Variants in SLC6A4 observed in about 807,000 individuals in gnomAD.
SLC6A4 encodes sodium-dependent serotonin transporter.
A neutral mutation model predicts 73.4 loss-of-function variants in SLC6A4; 22 were observed. The observed-to-expected ratio is 0.30, with a 90% CI of 0.21 to 0.43. The LOEUF is 0.43. Ranked by LOEUF, SLC6A4 falls within the 20% of genes least tolerant of loss-of-function variation. The pLI, the probability that SLC6A4 is intolerant of heterozygous loss-of-function variation, is 1.00. For synonymous variants in SLC6A4, 270 were observed against 315.5 expected (o/e 0.86, Z 1.53); for missense variants, 593 against 808.5 (o/e 0.73, Z 3.23).
intron 1 of SLC6A4, among the ~76,000 whole-genome samples, chr17:30,230,168 G>C (rs978082370): frequency 2.6e-5 from 4 of 152,124 alleles, no homozygotes; most frequent in African/African-American, 9.7e-5. Flanking sequence ...AGAGGAAGAA[G>C]AAGAAGTTGG....
chr17:30,202,170 T>C (rs1028862903), intron 14 of SLC6A4, among the ~76,000 whole-genome samples: 3 of 152,200 alleles, frequency 2.0e-5, no homozygotes, highest in African/African-American at 7.2e-5. Flanking sequence ...AGGATGACTA[T>C]TGTGATGGAC....
At chr17:30,203,148 A>G (rs749380406) in intron 14 of SLC6A4, 24 bp downstream of exon 14, 13 of 1,578,988 alleles carry the variant, frequency 8.2e-6, no homozygotes, top group Non-Finnish European at 1.1e-5. Flanking sequence ...GAACACACAC[A>G]TATACACACT....
chr17:30,217,935 G>T lies in SLC6A4; in HGVS notation c.698+183C>A, dbSNP rs55655007. ...AGAAAGTGCAAGGAGGCACAGCAGG[G>T]CCAGGCCGTGGAGCACTTGAGGTAG... On this transcript the variant is annotated intron_variant, in intron 5 of 14. Transcript: ENST00000650711. Among the ~76,000 whole-genome samples the T allele has an allele frequency of 1.6e-3, 246 of 152,312 alleles. 1 individual carries two copies. Among genetic ancestry groups the T allele is most frequent in the African/African-American group, 5.7e-3 (238 of 41,580 alleles).
At chr17:30,201,287 C>T (rs1906025876) in intron 14 of SLC6A4, among the ~76,000 whole-genome samples, 1 of 152,192 alleles carries the variant, frequency 6.6e-6, no homozygotes. Flanking sequence ...GGGCCTTTTC[C>T]ATGGTCCTCA....
intron 8 of SLC6A4, among the ~76,000 whole-genome samples, chr17:30,214,773 C>T (rs977329954): frequency 7.9e-5 from 12 of 151,754 alleles, no homozygotes; most frequent in Admixed American, 3.3e-4. Context: ...GCTGGGACTA[C>T]AGGCGCCCGC....
At chr17:30,220,971 C>G (rs1906728075) in intron 3 of SLC6A4, among the ~76,000 whole-genome samples, 1 of 113,634 alleles carries the variant, frequency 8.8e-6, no homozygotes, top group Non-Finnish European at 1.7e-5. Context: ...GGAGATTTGA[C>G]TTTTTTTTTT....
chr17:30,235,427 C>T lies in SLC6A4; in HGVS notation c.-221+186G>A, dbSNP rs1407662796. On this transcript the variant is annotated intron_variant, in intron 1 of 14. Coordinates refer to ENST00000650711, the MANE Select transcript of SLC6A4 (RefSeq NM_001045.6). This position sits in a 1 kb window ranked among gnomAD's most constrained non-coding sequence, Gnocchi z 4.5. Reference sequence around the variant, plus strand: ...GTCTCCCACTCTGGCCGGTCAGCTTCAGCTCTGGCTCTTGCTGAGCGTGGA... The same window carrying T: ...GTCTCCCACTCTGGCCGGTCAGCTTTAGCTCTGGCTCTTGCTGAGCGTGGA... Among the ~76,000 whole-genome samples the T allele has an allele frequency of 6.6e-6, 1 of 152,234 alleles. No individual in the cohort carries two copies. The highest frequency in any genetic ancestry group is 6.5e-5 in the Admixed American group (1 of 15,288).
At chr17:30,227,270 A>G (rs1048116244) in intron 1 of SLC6A4, among the ~76,000 whole-genome samples, 4 of 152,156 alleles carry the variant, frequency 2.6e-5, no homozygotes, top group South Asian at 2.1e-4. Context: ...CACAGGTCGG[A>G]AGCCATAGGG....
intron 13 of SLC6A4, among the ~76,000 whole-genome samples, chr17:30,203,837 G>A (rs1489771591): frequency 2.0e-5 from 3 of 152,270 alleles, no homozygotes; most frequent in African/African-American, 7.2e-5. Context: ...CAGACGGAAG[G>A]TGCCTGATGT....
In SLC6A4 at chr17:30,209,147, G is replaced by T. The variant is rs759353073; in HGVS notation, c.1545C>A (p.Phe515Leu). The change falls in exon 12 of 15, where the codon TTC becomes TTA. Residue 515 changes from phenylalanine to leucine, a missense_variant. Physicochemically the swap from Phe to Leu is conservative, Grantham distance 22. Transcript: ENST00000650711. ...ALIEAVAVSW[F>L]YGITQFCRDV... Reference sequence around the variant, plus strand: ...TGGCTGAAGGAAGCGTCTTACCATAGAACCAAGACACAGCGACTGCTTCGA... The same window carrying T: ...TGGCTGAAGGAAGCGTCTTACCATATAACCAAGACACAGCGACTGCTTCGA... 3.7e-6 allele frequency: 6 copies of T among 1,609,344 alleles called. No individual in the cohort carries two copies. Among genetic ancestry groups the T allele is most frequent in the Non-Finnish European group, 5.1e-6 (6 of 1,175,748 alleles).
chr17:30,202,041 A>G (rs529999875), intron 14 of SLC6A4, among the ~76,000 whole-genome samples: 113 of 152,278 alleles, frequency 7.4e-4, no homozygotes, highest in African/African-American at 2.7e-3. Flanking sequence ...GCAGTGAGCC[A>G]TGATTATACC....
chr17:30,230,613 G>A (rs765650283), intron 1 of SLC6A4, among the ~76,000 whole-genome samples: 2 of 152,156 alleles, frequency 1.3e-5, no homozygotes, highest in African/African-American at 2.4e-5. Flanking sequence ...TGAGCAAGGC[G>A]GAAGAGGGAA....
Position 30,218,272 on chromosome 17 carries a change from A to G in SLC6A4, c.544T>C (p.Trp182Arg). The change falls in exon 5 of 15, where the codon TGG becomes CGG. Residue 182 changes from tryptophan to arginine, a missense_variant. Transcript: ENST00000650711. ...GAGGAGATGAGGTAGTATAGCGCCCAGGCCATGATGGTGTTGTAGTAGGAA... is the reference window on the plus strand; with the variant it reads ...GAGGAGATGAGGTAGTATAGCGCCCGGGCCATGATGGTGTTGTAGTAGGAA... ...IASYYNTIMAWALYYLISSFT... is the reference protein window; with the variant it reads ...IASYYNTIMARALYYLISSFT... The G allele has an allele frequency of 6.2e-7, 1 of 1,614,274 alleles. No individual in the cohort carries two copies. The highest frequency in any genetic ancestry group is 8.5e-7 in the Non-Finnish European group (1 of 1,180,054).
At position 30,194,551 on chromosome 17, in the gene SLC6A4, A is replaced by T. The variant is rs199815261; in HGVS notation, c.*3905T>A. On this transcript the variant is annotated 3_prime_UTR_variant, in exon 15 of 15. Coordinates refer to ENST00000650711, the MANE Select transcript of SLC6A4 (RefSeq NM_001045.6). ...AAATCATAGTTTAAAGGCCATTCACAAAATAACTGTAAATTCCCCAATTTT... is the reference window on the plus strand; with the variant it reads ...AAATCATAGTTTAAAGGCCATTCACTAAATAACTGTAAATTCCCCAATTTT... The T allele has an allele frequency of 3.3e-5, 5 of 152,202 alleles. No homozygotes were observed. Among genetic ancestry groups the T allele is most frequent in the Non-Finnish European group, 5.9e-5 (4 of 68,026 alleles). 9.4% of individuals were successfully genotyped at this position (152,202 alleles called of 1,614,324 possible).
In SLC6A4 at chr17:30,217,394, C is replaced by A. The variant is rs1245315730; in HGVS notation, c.699-90G>T. On this transcript the variant is annotated intron_variant, in intron 5 of 14. Transcript: ENST00000650711. Reference sequence around the variant, plus strand: ...GCTGCTCCTTTGAGGGTGCCCGGGACAAATGGACACGGTGCTGCTAGGACC... The same window carrying A: ...GCTGCTCCTTTGAGGGTGCCCGGGAAAAATGGACACGGTGCTGCTAGGACC... The A allele has an allele frequency of 9.2e-6, 12 of 1,299,380 alleles. No homozygotes were observed. The East Asian group carries it at 1.9e-4, about 21-fold the overall frequency. The allele number at this position is 1,299,380 out of a possible 1,614,324, so 80.5% of individuals were successfully genotyped here. A position where few individuals can be genotyped will look rare whatever the true frequency, so the allele number is the denominator to read the frequency against.
chr17:30,219,191 C>T (rs749760415), intron 3 of SLC6A4, among the ~76,000 whole-genome samples: 11 of 152,204 alleles, frequency 7.2e-5, no homozygotes, highest in Non-Finnish European at 1.0e-4. Context: ...GTCGACAGAA[C>T]AGGCAGGATC....
intron 7 of SLC6A4, 56 bp from the exon 8 acceptor site, chr17:30,215,770 G>GTTGGTGCCAGGGTAA: frequency 4.1e-6 from 6 of 1,470,576 alleles, no homozygotes; most frequent in Non-Finnish European, 5.7e-6. Flanking sequence ...GGCTTACCCT[G>GTTGGTGCCAGGGTAA]GCACCAACAG....
At chr17:30,204,901 G>A (rs1305323262) in intron 13 of SLC6A4, among the ~76,000 whole-genome samples, 1 of 152,090 alleles carries the variant, frequency 6.6e-6, no homozygotes, top group African/African-American at 2.4e-5. Context: ...CTCAATGACT[G>A]TGCATCAAGA....
chr17:30,227,266 T>A (rs926784021), intron 1 of SLC6A4, among the ~76,000 whole-genome samples: 5 of 152,054 alleles, frequency 3.3e-5, no homozygotes, highest in Non-Finnish European at 7.4e-5. Context: ...GGGGCACAGG[T>A]CGGAAGCCAT....
Sources: allele counts gnomAD v4.1 joint callset (sites outside exome capture counted in the v4.1 genomes callset), GRCh38; gene constraint gnomAD v4.1.1; non-coding constraint Gnocchi (gnomAD v3.1); transcripts MANE v1.5; gene names NCBI Gene and HGNC (gene_info 2026-07-23, HGNC 2026-07-21).